The following CDH13 variants were observed in gnomAD, a reference collection of about 807,000 sequenced individuals.
The protein encoded by CDH13 is cadherin-13.
Under a neutral mutation model 63.8 loss-of-function variants are expected in CDH13, and 24 were observed. The ratio of observed to expected loss-of-function variants is 0.38; its 90% CI spans 0.27 to 0.53. The LOEUF (loss-of-function observed/expected upper bound fraction) is 0.53, where lower values mean the gene tolerates loss of function less well. Among genes scored for constraint, CDH13 ranks in the 20% least tolerant of loss-of-function variants. The probability of loss-of-function intolerance (pLI) is 0.85; values close to 1 mark genes in which losing one functional copy is unlikely to be tolerated. For missense variants in CDH13, 1,049 were observed against 903.1 expected (o/e 1.16, Z -2.07); for synonymous variants, 503 against 355.3 (o/e 1.42, Z -4.67).
intron 4 of CDH13, among the ~76,000 whole-genome samples, chr16:83,164,665 A>G (rs937629832): frequency 4.0e-5 from 6 of 150,652 alleles, no homozygotes; most frequent in Admixed American, 6.6e-5. Flanking sequence ...GGTTGCAGTG[A>G]GCCGAGATTG....
At chr16:83,433,318 C>T (rs1173077050) in intron 6 of CDH13, among the ~76,000 whole-genome samples, 2 of 152,176 alleles carry the variant, frequency 1.3e-5, no homozygotes, top group African/African-American at 4.8e-5. Context: ...ATAAGAGTGC[C>T]TCTGCCTTCC....
Position 83,496,269 on chromosome 16 carries a change from G to C in CDH13, c.960+9614G>C, listed in dbSNP as rs553472021. Reference sequence around the variant, plus strand: ...ACCTGACTTCAAACTATACTACAAGGCTACAGTAACCAAAACAGCATGGTA... The same window carrying C: ...ACCTGACTTCAAACTATACTACAAGCCTACAGTAACCAAAACAGCATGGTA... On this transcript the variant is annotated intron_variant, in intron 7 of 13. Transcript: ENST00000567109. Among the ~76,000 whole-genome samples the C allele has an allele frequency of 6.8e-5, 10 of 147,526 alleles. No homozygotes were observed. The East Asian group carries it at 2.0e-3, about 30-fold the overall frequency.
intron 8 of CDH13, among the ~76,000 whole-genome samples, chr16:83,609,952 T>G (rs1390002587): frequency 6.6e-6 from 1 of 152,230 alleles, no homozygotes; most frequent in African/African-American, 2.4e-5. Flanking sequence ...GGACATTTCA[T>G]ATGAATGGAA....
intron 4 of CDH13, among the ~76,000 whole-genome samples, chr16:83,214,347 AG>A (rs1341407586): frequency 6.6e-6 from 1 of 152,010 alleles, no homozygotes; most frequent in East Asian, 1.9e-4. Flanking sequence ...TGGGAGGCTG[AG>A]GCGGGTGGAT....
chr16:83,022,854 A>G (rs911650469), intron 2 of CDH13, among the ~76,000 whole-genome samples: 2 of 152,238 alleles, frequency 1.3e-5, no homozygotes, highest in Non-Finnish European at 2.9e-5. Flanking sequence ...AGATTGGCCC[A>G]AGCACGCTTA....
intron 1 of CDH13, among the ~76,000 whole-genome samples, chr16:82,708,483 G>T (rs1380466204): frequency 1.3e-5 from 2 of 152,160 alleles, no homozygotes; most frequent in Admixed American, 1.3e-4. Context: ...CTCTTTTTCT[G>T]TGTGAAGACT....
rs2035769138 is a variant in CDH13 at position 83,125,477 on chromosome 16, G to A, written c.459G>A (p.Gln153=). Residue 153 remains glutamine, a synonymous_variant, in exon 4 of 14, where the codon CAG becomes CAA. Transcript: ENST00000567109. The stretch of plus-strand genomic sequence containing the variant: ...TTTTAATTCCAGAGAATCAGAGACA[G>A]CCTTTCCCAAGAGATGTTGGCAAGG... The part of the protein sequence containing the change: ...SPILIPENQR[Q]PFPRDVGKVV... The A allele has an allele frequency of 1.9e-6, 3 of 1,605,718 alleles. No homozygotes were observed. Among genetic ancestry groups the A allele is most frequent in the African/African-American group, 2.7e-5 (2 of 74,840 alleles).
At chr16:83,090,516 G>T (rs1196008004) in intron 3 of CDH13, among the ~76,000 whole-genome samples, 1 of 151,068 alleles carries the variant, frequency 6.6e-6, no homozygotes, top group Non-Finnish European at 1.5e-5. Flanking sequence ...AGAGGTTGCA[G>T]TGAGTCGAGA....
At chr16:83,748,308 C>A (rs955742081) in intron 11 of CDH13, 58 bp downstream of exon 11, 1 of 1,492,694 alleles carries the variant, frequency 6.7e-7, no homozygotes, top group East Asian at 2.3e-5. Context: ...TATACTTTTA[C>A]ATTTTTAAAT....
chr16:83,552,402 A>G lies in CDH13; in HGVS notation c.961-50052A>G, dbSNP rs762518859. Among the ~76,000 whole-genome samples the G allele has an allele frequency of 6.4e-4, 98 of 152,222 alleles. 2 individuals are homozygous for G. The highest frequency in any genetic ancestry group is 1.9e-4 in the Non-Finnish European group (13 of 68,040). ...GGTAACTCCTGTAACTGTCAGTTCC[A>G]GTGGAGGATGCACCAATTGCTCGTG... On this transcript the variant is annotated intron_variant, in intron 7 of 13. Transcript: ENST00000567109.
At chr16:83,251,754 G>A (rs941481247) in intron 5 of CDH13, among the ~76,000 whole-genome samples, 2 of 152,136 alleles carry the variant, frequency 1.3e-5, no homozygotes, top group African/African-American at 4.8e-5. Context: ...GGGAATCACA[G>A]TCTGATGGCA....
chr16:83,658,968 C>A, intron 8 of CDH13, among the ~76,000 whole-genome samples: 1 of 146,284 alleles, frequency 6.8e-6, no homozygotes, highest in African/African-American at 2.5e-5. Context: ...CGTATCCTCA[C>A]CAGCAAGGTC....
chr16:82,973,015 C>T lies in CDH13; in HGVS notation c.158-58995C>T, dbSNP rs1226798515. ...AGTCTCGACCCAGAACAATGTCAGT[C>T]TCGTTACAGAATCTCAGAATTTACT... On this transcript the variant is annotated intron_variant, in intron 2 of 13. Transcript: ENST00000567109. Among the ~76,000 whole-genome samples, 3 of 152,166 alleles carry T rather than the reference C, an allele frequency of 2.0e-5. No homozygotes were observed. The East Asian group carries it at 5.8e-4, about 29-fold the overall frequency.
chr16:83,740,273 T>A (rs1161045295), intron 10 of CDH13, among the ~76,000 whole-genome samples: 2 of 151,806 alleles, frequency 1.3e-5, no homozygotes, highest in Non-Finnish European at 2.9e-5. Context: ...TGGGAAGTCA[T>A]TGGTGGGTTT....
chr16:82,861,157 A>C (rs2151171349), intron 2 of CDH13, among the ~76,000 whole-genome samples: 1 of 152,352 alleles, frequency 6.6e-6, no homozygotes, highest in African/African-American at 2.4e-5. Context: ...AAGATCCAGG[A>C]AATGGTTAGG....
rs376626543 is a variant in CDH13 at position 83,687,521 on chromosome 16, G to A, written c.1538+9060G>A. 7.7e-4 allele frequency among the ~76,000 whole-genome samples: 118 copies of A among 152,278 alleles called. 3 individuals carry two copies. In the South Asian group the frequency reaches 0.023, roughly 29 times the overall value. On this transcript the variant is annotated intron_variant, in intron 10 of 13. Coordinates refer to ENST00000567109, the MANE Select transcript of CDH13 (RefSeq NM_001257.5). ...GAAGACGCCACCAAGGAGGGATTGC[G>A]TTAACTCCCCTGATCCCATCGCCTC...
At chr16:82,728,329 T>C (rs1275154863) in intron 1 of CDH13, among the ~76,000 whole-genome samples, 4 of 152,152 alleles carry the variant, frequency 2.6e-5, no homozygotes, top group Non-Finnish European at 4.4e-5. Context: ...ATGGGCTTGT[T>C]CTATCCATCC....
chr16:82,777,904 A>T (rs2035572137), intron 1 of CDH13, among the ~76,000 whole-genome samples: 1 of 152,202 alleles, frequency 6.6e-6, no homozygotes, highest in Non-Finnish European at 1.5e-5. Context: ...TCACAACAGG[A>T]CAACTTGATT....
At chr16:83,225,142 A>G (rs2039803509) in intron 5 of CDH13, among the ~76,000 whole-genome samples, 1 of 152,258 alleles carries the variant, frequency 6.6e-6, no homozygotes, top group Middle Eastern at 3.4e-3. Context: ...CCAGCCCACC[A>G]GGTCATCCTG....
Sources: gnomAD v4.1 joint callset for allele counts (sites outside exome capture counted in the v4.1 genomes callset) on GRCh38, gnomAD v4.1.1 for gene constraint, MANE v1.5 for transcripts, NCBI Gene and HGNC (gene_info 2026-07-23, HGNC 2026-07-21) for gene names.